Variants in KSR2 observed in about 807,000 individuals in gnomAD.
The protein encoded by KSR2 is kinase suppressor of ras 2.
Under a neutral mutation model 107.8 loss-of-function variants are expected in KSR2, and 25 were observed. The observed-to-expected ratio is 0.23, with a 90% CI of 0.17 to 0.32. KSR2 has a LOEUF of 0.32. KSR2 is among the 10% of genes least tolerant of loss of function. The pLI, the probability that KSR2 is intolerant of heterozygous loss-of-function variation, is 1.00. For missense variants in KSR2, 887 were observed against 1,268.9 expected (o/e 0.70, Z 4.57); for synonymous variants, 480 against 507.0 (o/e 0.95, Z 0.71).
intron 3 of KSR2, among the ~76,000 whole-genome samples, chr12:117,800,381 C>T (rs1035331686): frequency 1.1e-4 from 17 of 150,906 alleles, no homozygotes; most frequent in African/African-American, 4.2e-4. Flanking sequence ...AATTATTCTG[C>T]CCCCCCCAAA....
At chr12:117,530,653 G>A (rs145249420) in intron 12 of KSR2, among the ~76,000 whole-genome samples, 15 of 152,200 alleles carry the variant, frequency 9.9e-5, no homozygotes, top group East Asian at 1.9e-4. Context: ...CTTAGGAAAC[G>A]GTCCAGCCCC....
chr12:117,761,849 TATC>T (rs1889044536), intron 3 of KSR2, among the ~76,000 whole-genome samples: 1 of 152,202 alleles, frequency 6.6e-6, no homozygotes, highest in African/African-American at 2.4e-5. Flanking sequence ...TATATGCACA[TATC>T]ATATGCACAT....
chr12:117,541,840 G>A (rs1236977787), intron 9 of KSR2, among the ~76,000 whole-genome samples: 1 of 151,928 alleles, frequency 6.6e-6, no homozygotes, highest in Non-Finnish European at 1.5e-5. Flanking sequence ...ACTGCTTCTG[G>A]GTCAGTGAGT....
chr12:117,755,327 C>T (rs1308127268), intron 4 of KSR2, among the ~76,000 whole-genome samples: 1 of 152,220 alleles, frequency 6.6e-6, no homozygotes, highest in Non-Finnish European at 1.5e-5. Flanking sequence ...GTGCATTGAG[C>T]AAGCCTCTCG....
intron 5 of KSR2, among the ~76,000 whole-genome samples, chr12:117,615,289 A>G (rs1881813520): frequency 1.3e-5 from 2 of 151,994 alleles, no homozygotes; most frequent in Non-Finnish European, 2.9e-5. Flanking sequence ...AAAAATGTGT[A>G]GTGCTTTAAA....
chr12:117,899,357 G>A (rs527494802), intron 1 of KSR2, among the ~76,000 whole-genome samples: 1 of 152,196 alleles, frequency 6.6e-6, no homozygotes, highest in African/African-American at 2.4e-5. Flanking sequence ...GCCAGGCGTG[G>A]TGGCACATAC....
intron 1 of KSR2, among the ~76,000 whole-genome samples, chr12:117,886,095 CA>C (rs556674870): frequency 0.066 from 6,934 of 105,258 alleles, 479 homozygotes; most frequent in African/African-American, 0.21. Flanking sequence ...GACTCCGTCT[CA>C]AAAAAAAAAA....
intron 3 of KSR2, among the ~76,000 whole-genome samples, chr12:117,848,816 G>C (rs1025825311): frequency 6.8e-6 from 1 of 146,528 alleles, no homozygotes; most frequent in African/African-American, 2.6e-5. Flanking sequence ...AGTGATGGTG[G>C]TGGGTGGTGA....
intron 5 of KSR2, among the ~76,000 whole-genome samples, chr12:117,638,954 G>T (rs1285228623): frequency 6.6e-6 from 1 of 152,058 alleles, no homozygotes; most frequent in African/African-American, 2.4e-5. Context: ...AACAAAGTAC[G>T]ATCGATAAAG....
intron 14 of KSR2, among the ~76,000 whole-genome samples, chr12:117,524,326 C>G (rs1874962908): frequency 6.6e-6 from 1 of 152,136 alleles, no homozygotes; most frequent in African/African-American, 2.4e-5. Context: ...TTCTAATTCC[C>G]CATTTAGTAG....
At chr12:117,924,290 A>T (rs1895437447) in intron 1 of KSR2, among the ~76,000 whole-genome samples, 1 of 151,446 alleles carries the variant, frequency 6.6e-6, no homozygotes, top group African/African-American at 2.4e-5. Context: ...AATTTAGGCC[A>T]GGCACGGTGG....
At chr12:117,798,587 C>T (rs371618487) in intron 3 of KSR2, among the ~76,000 whole-genome samples, 1 of 151,840 alleles carries the variant, frequency 6.6e-6, no homozygotes, top group Admixed American at 6.6e-5. Flanking sequence ...AGGCTTAGAT[C>T]GCACCATTGC....
intron 3 of KSR2, among the ~76,000 whole-genome samples, chr12:117,769,582 T>A (rs992305577): frequency 4.6e-5 from 7 of 152,228 alleles, no homozygotes; most frequent in African/African-American, 1.7e-4. Context: ...GCTCTGAAGA[T>A]TAAATAAAAC....
chr12:117,668,628 C>T (rs645510), intron 4 of KSR2, among the ~76,000 whole-genome samples: 73,574 of 152,170 alleles, frequency 0.48, 21,801 homozygotes, highest in Non-Finnish European at 0.66. Flanking sequence ...GTCCATTAAA[C>T]TTCTCAAGCC....
At chr12:117,599,549 A>T (rs909821396) in intron 5 of KSR2, among the ~76,000 whole-genome samples, 1 of 151,976 alleles carries the variant, frequency 6.6e-6, no homozygotes, top group Non-Finnish European at 1.5e-5. Context: ...ATTTGGGGCT[A>T]CTCCATTCTC....
chr12:117,715,354 G>T (rs569466940), intron 4 of KSR2, among the ~76,000 whole-genome samples: 1 of 152,174 alleles, frequency 6.6e-6, no homozygotes. Flanking sequence ...CAACATTCAG[G>T]AATAATTGAG....
intron 3 of KSR2, among the ~76,000 whole-genome samples, chr12:117,787,393 G>C (rs560204419): frequency 6.6e-6 from 1 of 152,296 alleles, no homozygotes; most frequent in South Asian, 2.1e-4. Context: ...AGCATTTTGG[G>C]AGGCCACGGC....
intron 14 of KSR2, among the ~76,000 whole-genome samples, chr12:117,497,999 A>G (rs1048603611): frequency 2.0e-5 from 3 of 152,218 alleles, no homozygotes; most frequent in Non-Finnish European, 4.4e-5. Flanking sequence ...CCTGCAAGGC[A>G]CTGTCCTGAG....
intron 3 of KSR2, among the ~76,000 whole-genome samples, chr12:117,782,949 A>G (rs1362500332): frequency 6.6e-6 from 1 of 152,208 alleles, no homozygotes; most frequent in Non-Finnish European, 1.5e-5. Context: ...AAAAATGCTC[A>G]TGGGTTTCTA....
Sources: gnomAD v4.1 joint callset for allele counts (sites outside exome capture counted in the v4.1 genomes callset) on GRCh38, gnomAD v4.1.1 for gene constraint, MANE v1.5 for transcripts, NCBI Gene and HGNC (gene_info 2026-07-23, HGNC 2026-07-21) for gene names.